The following TFDP1 variants were observed in gnomAD, a reference collection of about 807,000 sequenced individuals.
The protein encoded by TFDP1 is DRTF1-polypeptide 1.
Under a neutral mutation model 48.0 loss-of-function variants are expected in TFDP1, and 6 were observed. The ratio of observed to expected loss-of-function variants is 0.13; its 90% CI spans 0.07 to 0.25. TFDP1 has a LOEUF of 0.25. Among genes scored for constraint, TFDP1 ranks in the 10% least tolerant of loss-of-function variants. The probability of loss-of-function intolerance (pLI) is 1.00; values close to 1 mark genes in which losing one functional copy is unlikely to be tolerated. For synonymous variants in TFDP1, 201 were observed against 211.6 expected (o/e 0.95, Z 0.44); for missense variants, 335 against 543.0 (o/e 0.62, Z 3.81).
chr13:113,602,615 T>C (rs933053907), intron 2 of TFDP1, among the ~76,000 whole-genome samples: 1 of 152,248 alleles, frequency 6.6e-6, no homozygotes, highest in Non-Finnish European at 1.5e-5. Context: ...TCTTCTCAGC[T>C]CTGCTTACTT....
intron 2 of TFDP1, among the ~76,000 whole-genome samples, chr13:113,588,695 TAG>T (rs1366477385): frequency 6.6e-6 from 1 of 151,072 alleles, no homozygotes; most frequent in African/African-American, 2.4e-5. Flanking sequence ...GTGTAGTAGT[TAG>T]AGAGTGAGTG....
chr13:113,617,964 C>G (rs1196266509), intron 3 of TFDP1, among the ~76,000 whole-genome samples: 1 of 152,194 alleles, frequency 6.6e-6, no homozygotes, highest in African/African-American at 2.4e-5. Context: ...ATATTCTTAA[C>G]TAGTTTTCTT....
chr13:113,614,395 G>T (rs1459628915), intron 3 of TFDP1, among the ~76,000 whole-genome samples: 1 of 152,208 alleles, frequency 6.6e-6, no homozygotes, highest in East Asian at 1.9e-4. Flanking sequence ...CTTAGATGGA[G>T]CCGTTGCAGC....
intron 4 of TFDP1, among the ~76,000 whole-genome samples, chr13:113,629,910 G>T (rs1454324627): frequency 2.6e-5 from 4 of 152,198 alleles, no homozygotes; most frequent in Non-Finnish European, 5.9e-5. Flanking sequence ...GACCCATGAG[G>T]TGGGTTAGAA....
chr13:113,614,553 C>T (rs1196751951), intron 3 of TFDP1, among the ~76,000 whole-genome samples: 2 of 152,196 alleles, frequency 1.3e-5, no homozygotes, highest in South Asian at 4.1e-4. Context: ...CAGGAGCTGT[C>T]CAGGTGAGAG....
At position 113,587,597 on chromosome 13, in the gene TFDP1, G is replaced by A. The variant is rs534984811; in HGVS notation, c.12+1748G>A. 3.4e-5 allele frequency among the ~76,000 whole-genome samples: 5 copies of A among 146,804 alleles called. No homozygotes were observed. In the South Asian group the frequency reaches 6.5e-4, roughly 19 times the overall value. On this transcript the variant is annotated intron_variant, in intron 2 of 11. Coordinates refer to ENST00000375370, the MANE Select transcript of TFDP1 (RefSeq NM_007111.5). ...TCTCCTGGGTTTAAGCAATCCTCTCGCCTCAGCCTCCCGAGAAGCTAGGAT... is the reference window on the plus strand; with the variant it reads ...TCTCCTGGGTTTAAGCAATCCTCTCACCTCAGCCTCCCGAGAAGCTAGGAT...
chr13:113,619,679 C>T (rs564640250), intron 3 of TFDP1, among the ~76,000 whole-genome samples: 5 of 152,144 alleles, frequency 3.3e-5, no homozygotes, highest in Admixed American at 6.5e-5. Context: ...TGCTCGGGGC[C>T]GGACAGGGGG....
chr13:113,624,032 C>T (rs1013898475), intron 4 of TFDP1, among the ~76,000 whole-genome samples: 33 of 152,236 alleles, frequency 2.2e-4, no homozygotes, highest in African/African-American at 6.5e-4. Context: ...AAGGCTAGGC[C>T]GGGCTTCCAG....
Position 113,598,104 on chromosome 13 carries a change from G to T in TFDP1, c.12+12255G>T, listed in dbSNP as rs2048328978. Among the ~76,000 whole-genome samples the T allele has an allele frequency of 6.6e-6, 1 of 152,154 alleles. No homozygotes were observed. Among genetic ancestry groups the T allele is most frequent in the South Asian group, 2.1e-4 (1 of 4,834 alleles). ...CATCAAGAGTGCAGAATCCAACTGT[G>T]TTGGGAGCCACTTGCTGGTGCCTGG... is the stretch of plus-strand genomic sequence containing the variant. On this transcript the variant is annotated intron_variant, in intron 2 of 11. Transcript: ENST00000375370. This position sits in a 1 kb window ranked among gnomAD's most constrained non-coding sequence, Gnocchi z 4.2.
chr13:113,628,441 G>A (rs918454021), intron 4 of TFDP1, among the ~76,000 whole-genome samples: 7 of 152,244 alleles, frequency 4.6e-5, no homozygotes, highest in African/African-American at 1.7e-4. Context: ...GCTCCCCAGC[G>A]AGAGGCGGGT....
intron 3 of TFDP1, among the ~76,000 whole-genome samples, chr13:113,613,547 T>G (rs1197369967): frequency 6.6e-6 from 1 of 151,870 alleles, no homozygotes; most frequent in Non-Finnish European, 1.5e-5. Context: ...GTGAGGAATG[T>G]GTGTGTCACT....
intron 10 of TFDP1, chr13:113,637,504 CA>C: frequency 9.2e-7 from 1 of 1,083,736 alleles, no homozygotes; most frequent in Non-Finnish European, 1.2e-6. Context: ...TTCAGCTTGA[CA>C]CTTTGATTCG....
At chr13:113,638,097 C>G (rs762312692) in intron 11 of TFDP1, among the ~76,000 whole-genome samples, 6 of 152,218 alleles carry the variant, frequency 3.9e-5, no homozygotes, top group Non-Finnish European at 5.9e-5. Context: ...TCACTAAAAA[C>G]TGAAAGTAAT....
intron 4 of TFDP1, among the ~76,000 whole-genome samples, chr13:113,628,850 C>G (rs993543732): frequency 2.0e-5 from 3 of 152,240 alleles, no homozygotes; most frequent in Non-Finnish European, 2.9e-5. Flanking sequence ...CGTGCCTCCT[C>G]TGGCTGTTGA....
At chr13:113,613,559 AGT>A (rs879418059) in intron 3 of TFDP1, among the ~76,000 whole-genome samples, 8 of 149,060 alleles carry the variant, frequency 5.4e-5, no homozygotes, top group Non-Finnish European at 8.9e-5. Flanking sequence ...TGTGTCACTG[AGT>A]GTGCATACGA....
intron 8 of TFDP1, 24 bp downstream of exon 8, chr13:113,634,626 G>A (rs766232424): frequency 6.4e-7 from 1 of 1,572,302 alleles, no homozygotes; most frequent in Non-Finnish European, 8.7e-7. Flanking sequence ...TATCTGTGGA[G>A]GCAGGGTAAT....
rs2048334148 is a variant in TFDP1, at chr13:113,598,348, C to A, written c.12+12499C>A. Among the ~76,000 whole-genome samples, 1 of 152,160 alleles carries A rather than the reference C, an allele frequency of 6.6e-6. No individual in the cohort carries two copies. The highest frequency in any genetic ancestry group is 2.1e-4 in the South Asian group (1 of 4,828). On this transcript the variant is annotated intron_variant, in intron 2 of 11. Transcript: ENST00000375370. This position sits in a 1 kb window ranked among gnomAD's most constrained non-coding sequence, Gnocchi z 4.2. ...TAGAGCATCATTTGGTGTTTTTCTGCTGGAAAAGCAGGCTTTAGAGTGGTG... is the reference window on the plus strand; with the variant it reads ...TAGAGCATCATTTGGTGTTTTTCTGATGGAAAAGCAGGCTTTAGAGTGGTG...
chr13:113,599,798 G>A (rs1215321252), intron 2 of TFDP1, among the ~76,000 whole-genome samples: 1 of 152,064 alleles, frequency 6.6e-6, no homozygotes, highest in African/African-American at 2.4e-5. Context: ...AGGACTACGA[G>A]AGAGAACCCA....
At chr13:113,631,361 C>T (rs1236297033) in intron 4 of TFDP1, among the ~76,000 whole-genome samples, 2 of 152,094 alleles carry the variant, frequency 1.3e-5, no homozygotes, top group East Asian at 1.9e-4. Context: ...TTGGGTCGTC[C>T]GAAGTTTCTT....
Sources: allele counts gnomAD v4.1 joint callset (sites outside exome capture counted in the v4.1 genomes callset), GRCh38; gene constraint gnomAD v4.1.1; non-coding constraint Gnocchi (gnomAD v3.1); transcripts MANE v1.5; gene names NCBI Gene and HGNC (gene_info 2026-07-23, HGNC 2026-07-21).